SNX29: variants seen among roughly 807,000 people sequenced by gnomAD.
SNX29 encodes the protein sorting nexin 29, also known as sorting nexin-29.
SNX29 carries 78 observed loss-of-function variants against 102.1 expected under a neutral mutation model. That is an observed-to-expected ratio of 0.76 (90% CI 0.64 to 0.92). The LOEUF is 0.92. Among genes scored for constraint, SNX29 ranks in the 40% least tolerant of loss-of-function variants. The pLI is 0.00. For synonymous variants in SNX29, 580 were observed against 414.5 expected (o/e 1.40, Z -4.85); for missense variants, 1,280 against 1,061.7 (o/e 1.21, Z -2.86).
At chr16:12,278,675 A>T (rs939208394) in intron 15 of SNX29, among the ~76,000 whole-genome samples, 4 of 152,138 alleles carry the variant, frequency 2.6e-5, no homozygotes, top group African/African-American at 7.2e-5. Context: ...CATTACTGTG[A>T]TATAAAAAAA....
At chr16:12,404,627 A>G (rs1012639443) in intron 18 of SNX29, among the ~76,000 whole-genome samples, 2 of 152,134 alleles carry the variant, frequency 1.3e-5, no homozygotes, top group African/African-American at 4.8e-5. Context: ...GACTTATTGA[A>G]GAAATTTTCT....
chr16:12,478,158 G>A (rs1394435552), intron 19 of SNX29, among the ~76,000 whole-genome samples: 2 of 152,162 alleles, frequency 1.3e-5, no homozygotes, highest in Non-Finnish European at 2.9e-5. Context: ...CATTTCAGTG[G>A]CAAATACTCA....
intron 11 of SNX29, among the ~76,000 whole-genome samples, chr16:12,117,880 G>C (rs2053800239): frequency 6.6e-6 from 1 of 152,062 alleles, no homozygotes; most frequent in African/African-American, 2.4e-5. Flanking sequence ...CGGATCACAA[G>C]GTCAGGAGAT....
chr16:12,320,256 G>A (rs2080887254), intron 15 of SNX29, among the ~76,000 whole-genome samples: 2 of 152,124 alleles, frequency 1.3e-5, no homozygotes, highest in South Asian at 4.2e-4. Context: ...ACTTGGGCAG[G>A]AGCATAGCAG....
At chr16:12,356,581 A>G (rs1043347366) in intron 16 of SNX29, among the ~76,000 whole-genome samples, 2 of 152,322 alleles carry the variant, frequency 1.3e-5, no homozygotes, top group Non-Finnish European at 2.9e-5. Context: ...GTAAATTTCC[A>G]TGAGCAGTAA....
intron 15 of SNX29, among the ~76,000 whole-genome samples, chr16:12,328,591 C>G (rs1365352010): frequency 6.6e-6 from 1 of 152,090 alleles, no homozygotes; most frequent in African/African-American, 2.4e-5. Flanking sequence ...CCCCAGAGGC[C>G]TTGGTTCTCT....
rs995112727 is a variant in SNX29 at position 12,574,137 on chromosome 16, ATT to A, written c.*5512_*5513del. 1.1e-5 allele frequency: 2 copies of A among 183,026 alleles called. No individual in the cohort carries two copies. The highest frequency in any genetic ancestry group is 6.3e-5 in the Admixed American group (1 of 15,976). 11.3% of individuals were successfully genotyped at this position (183,026 alleles called of 1,614,324 possible). On this transcript the variant is annotated 3_prime_UTR_variant, in exon 21 of 21. Coordinates refer to ENST00000566228, the MANE Select transcript of SNX29 (RefSeq NM_032167.5). ...CTTATGTTAAGGTTTACATAATAGG[ATT>A]TTTAAACAAATGTGTTTAATTTTTT...
At chr16:12,044,435 G>T (rs773692609) in intron 5 of SNX29, among the ~76,000 whole-genome samples, 5 of 152,072 alleles carry the variant, frequency 3.3e-5, no homozygotes, top group Non-Finnish European at 5.9e-5. Context: ...AGACTCTATG[G>T]GTCCAAAATG....
At chr16:12,527,007 C>T (rs989388102) in intron 20 of SNX29, 6 of 398,292 alleles carry the variant, frequency 1.5e-5, no homozygotes, top group East Asian at 4.2e-5. Flanking sequence ...ACGAGAATTT[C>T]AGTGGGAGAC....
intron 20 of SNX29, among the ~76,000 whole-genome samples, chr16:12,546,122 C>A (rs925818367): frequency 3.3e-5 from 5 of 152,278 alleles, no homozygotes; most frequent in East Asian, 3.9e-4. Context: ...TGTATTCTCC[C>A]CATCCACAAA....
chr16:12,465,720 C>T lies in SNX29; in HGVS notation c.2038-11999C>T, dbSNP rs13330582. The stretch of plus-strand genomic sequence containing the variant: ...TTTCCATATGAGTTTTAAGGTTGTT[C>T]TTGTATTTATGTGAAATGTCATTGG... On this transcript the variant is annotated intron_variant, in intron 18 of 20. Transcript: ENST00000566228. Among the ~76,000 whole-genome samples the T allele has an allele frequency of 3.1e-3, 477 of 151,764 alleles. 6 individuals are homozygous for T. The highest frequency in any genetic ancestry group is 0.011 in the African/African-American group (448 of 41,382).
chr16:12,248,704 C>T (rs537906073), intron 14 of SNX29, among the ~76,000 whole-genome samples: 1 of 151,954 alleles, frequency 6.6e-6, no homozygotes, highest in African/African-American at 2.4e-5. Context: ...CATGAGCCAC[C>T]GCACCCAGCC....
chr16:12,551,118 A>G (rs1221087650), intron 20 of SNX29, among the ~76,000 whole-genome samples: 2 of 152,148 alleles, frequency 1.3e-5, no homozygotes, highest in African/African-American at 4.8e-5. Flanking sequence ...GTGTGAAATA[A>G]TGGAACAGTG....
chr16:12,558,959 G>A (rs184067852), intron 20 of SNX29, among the ~76,000 whole-genome samples: 4 of 152,184 alleles, frequency 2.6e-5, no homozygotes, highest in African/African-American at 9.7e-5. Context: ...CATGTTTCAG[G>A]TAACAGAGGG....
intron 20 of SNX29, among the ~76,000 whole-genome samples, chr16:12,551,679 A>G (rs972326036): frequency 6.6e-6 from 1 of 152,222 alleles, no homozygotes; most frequent in South Asian, 2.1e-4. Flanking sequence ...GCAGTAGGAT[A>G]AAAGTACCAC....
At chr16:12,126,857 C>T (rs889320829) in intron 12 of SNX29, among the ~76,000 whole-genome samples, 161 bp downstream of exon 12, 12 of 152,188 alleles carry the variant, frequency 7.9e-5, no homozygotes, top group South Asian at 2.1e-4. Flanking sequence ...TCTCTCTTTA[C>T]TGTGGTATCT....
Position 12,570,303 on chromosome 16 carries a change from C to G in SNX29, c.*1674C>G, listed in dbSNP as rs868850840. 1 of 1,035,440 alleles carries G rather than the reference C, an allele frequency of 9.7e-7. No homozygotes were observed. The highest frequency in any genetic ancestry group is 1.2e-6 in the Non-Finnish European group (1 of 852,300). The allele number at this position is 1,035,440 out of a possible 1,614,324, so 64.1% of individuals were successfully genotyped here. A position where few individuals can be genotyped will look rare whatever the true frequency, so the allele number is the denominator to read the frequency against. ...CAGTCAGTTTGCGAGTGTGGAGGAC[C>G]CGAGACATCCTGTAAAGGCAACTTG... On this transcript the variant is annotated 3_prime_UTR_variant, in exon 21 of 21. Transcript: ENST00000566228.
At chr16:12,091,740 G>A (rs2052554085) in intron 11 of SNX29, among the ~76,000 whole-genome samples, 1 of 129,336 alleles carries the variant, frequency 7.7e-6, no homozygotes, top group African/African-American at 3.0e-5. Context: ...TCATGCTACT[G>A]CACTCCAGCC....
intron 18 of SNX29, among the ~76,000 whole-genome samples, chr16:12,468,857 C>G (rs2087201629): frequency 6.6e-6 from 1 of 152,230 alleles, no homozygotes; most frequent in Non-Finnish European, 1.5e-5. Flanking sequence ...TGTCTAAAAA[C>G]TAATAAAACA....
Sources: allele counts gnomAD v4.1 joint callset (sites outside exome capture counted in the v4.1 genomes callset), GRCh38; gene constraint gnomAD v4.1.1; transcripts MANE v1.5; gene names NCBI Gene and HGNC (gene_info 2026-07-23, HGNC 2026-07-21).